Variants in RMST observed in about 807,000 individuals in gnomAD.
The protein encoded by RMST is rhabdomyosarcoma 2 associated transcript, also known as long intergenic non-protein coding RNA 54.
intron 5 of RMST, among the ~76,000 whole-genome samples, chr12:97,469,454 T>C (rs1873631687): frequency 6.6e-6 from 1 of 152,056 alleles, no homozygotes; most frequent in Non-Finnish European, 1.5e-5. Context: ...CTAATTCTAA[T>C]TATGAATGGC....
At chr12:97,501,733 G>T (rs1288263122) in intron 10 of RMST, among the ~76,000 whole-genome samples, 1 of 152,130 alleles carries the variant, frequency 6.6e-6, no homozygotes, top group Non-Finnish European at 1.5e-5. Flanking sequence ...AAAATGGCTG[G>T]TTAGTGTCAT....
At chr12:97,533,216 T>C (rs1881813153) in intron 11 of RMST, 1 of 151,782 alleles carries the variant, frequency 6.6e-6, no homozygotes, top group Non-Finnish European at 1.5e-5. Flanking sequence ...CCAATCTCTG[T>C]ACACTGAAAA....
chr12:97,557,858 C>T, intron 11 of RMST, among the ~76,000 whole-genome samples: 1 of 152,052 alleles, frequency 6.6e-6, no homozygotes, highest in African/African-American at 2.4e-5. Flanking sequence ...CTACTACTTA[C>T]CGGATGTATC....
intron 10 of RMST, among the ~76,000 whole-genome samples, chr12:97,525,575 T>A (rs1418424399): frequency 6.6e-6 from 1 of 152,188 alleles, no homozygotes; most frequent in East Asian, 1.9e-4. Flanking sequence ...TCCTCTTCTG[T>A]CCCCAGACCC....
chr12:97,537,359 A>G (rs1288363000), intron 11 of RMST, among the ~76,000 whole-genome samples: 1 of 151,364 alleles, frequency 6.6e-6, no homozygotes, highest in Non-Finnish European at 1.5e-5. Flanking sequence ...ATATGATCCA[A>G]TTTCTGAAAA....
In RMST at chr12:97,469,070, G is replaced by GAT. The variant is rs535471445; in HGVS notation, n.644+3352_644+3353dup. On this transcript the variant is annotated intron_variant and non_coding_transcript_variant, in intron 5 of 13. Coordinates refer to ENST00000640149, the Ensembl canonical transcript of RMST. ...CTTTTCTACTCTTTAAATGGCTTAA[G>GAT]ATATATATATTCTAGGCATATATAC... Among the ~76,000 whole-genome samples the GAT allele has an allele frequency of 4.9e-3, 739 of 150,972 alleles. 8 individuals are homozygous for GAT. Among genetic ancestry groups the GAT allele is most frequent in the African/African-American group, 0.017 (709 of 41,090 alleles).
chr12:97,530,929 C>CT (rs1293352969), intron 11 of RMST: 4 of 149,104 alleles, frequency 2.7e-5, no homozygotes, highest in East Asian at 2.0e-4. Context: ...TTCATGGGTT[C>CT]TTTTTTTGTT....
chr12:97,546,200 G>A (rs891715454), intron 11 of RMST, among the ~76,000 whole-genome samples: 1 of 152,002 alleles, frequency 6.6e-6, no homozygotes, highest in Non-Finnish European at 1.5e-5. Context: ...CTATTTTTGA[G>A]GACTTTTAAT....
chr12:97,492,301 C>A (rs1284969077), intron 5 of RMST, among the ~76,000 whole-genome samples: 1 of 152,192 alleles, frequency 6.6e-6, no homozygotes, highest in Non-Finnish European at 1.5e-5. Context: ...TAACATGGTC[C>A]TGTCACTTTT....
intron 11 of RMST, among the ~76,000 whole-genome samples, chr12:97,555,880 C>A (rs1052366340): frequency 6.6e-6 from 1 of 152,134 alleles, no homozygotes; most frequent in Admixed American, 6.5e-5. Flanking sequence ...TCAATTTTAC[C>A]GGCTGGCTTC....
chr12:97,484,281 T>A (rs1875815168), intron 5 of RMST, among the ~76,000 whole-genome samples: 1 of 152,184 alleles, frequency 6.6e-6, no homozygotes, highest in Admixed American at 6.6e-5. Flanking sequence ...TATGCAGATT[T>A]ATTTATTTCA....
chr12:97,523,988 A>G (rs1198728851), intron 10 of RMST, among the ~76,000 whole-genome samples: 1 of 145,374 alleles, frequency 6.9e-6, no homozygotes, highest in Non-Finnish European at 1.5e-5. Flanking sequence ...AAGCGGGAGA[A>G]TGGCGTGACC....
Position 97,480,215 on chromosome 12 carries a change from G to C in RMST, n.645-12246G>C, listed in dbSNP as rs1007413015. 2.0e-5 allele frequency among the ~76,000 whole-genome samples: 3 copies of C among 150,826 alleles called. No individual in the cohort carries two copies. The South Asian group carries it at 6.3e-4, about 31-fold the overall frequency. On this transcript the variant is annotated intron_variant and non_coding_transcript_variant, in intron 5 of 13. Transcript: ENST00000640149. ...TGCCATTCTCTTGCCTCAGCCTCCC[G>C]AGTAGCTGGGACTACAGGCGCCCAC... is the stretch of plus-strand genomic sequence containing the variant.
chr12:97,532,050 A>G (rs1470102084), intron 11 of RMST, among the ~76,000 whole-genome samples: 1 of 151,980 alleles, frequency 6.6e-6, no homozygotes, highest in East Asian at 1.9e-4. Flanking sequence ...CAGTGTCCAG[A>G]TAATTTTAGA....
At chr12:97,513,651 C>G (rs1462107324) in intron 10 of RMST, among the ~76,000 whole-genome samples, 1 of 152,160 alleles carries the variant, frequency 6.6e-6, no homozygotes, top group Non-Finnish European at 1.5e-5. Context: ...CAGTTTCCAA[C>G]TACAGTAAAT....
At chr12:97,499,245 AT>A (rs199561410) in intron 10 of RMST, among the ~76,000 whole-genome samples, 24 of 151,082 alleles carry the variant, frequency 1.6e-4, no homozygotes, top group African/African-American at 4.6e-4. Flanking sequence ...ATATACATCA[AT>A]TTTTTTTTCT....
At chr12:97,470,377 A>G (rs560184098) in intron 5 of RMST, among the ~76,000 whole-genome samples, 1 of 152,150 alleles carries the variant, frequency 6.6e-6, no homozygotes, top group African/African-American at 2.4e-5. Flanking sequence ...TCCACTGCCT[A>G]GCACGGTGCC....
intron 5 of RMST, among the ~76,000 whole-genome samples, chr12:97,476,045 C>T (rs527355206): frequency 6.6e-6 from 1 of 152,174 alleles, no homozygotes; most frequent in South Asian, 2.1e-4. Context: ...TGATGGTGCT[C>T]TCATCTTGAT....
At chr12:97,476,426 T>C (rs1404223013) in intron 5 of RMST, among the ~76,000 whole-genome samples, 1 of 152,180 alleles carries the variant, frequency 6.6e-6, no homozygotes. Flanking sequence ...ACAGTCCCTC[T>C]GGTTAAGAAT....
Sources: allele counts gnomAD v4.1 joint callset (sites outside exome capture counted in the v4.1 genomes callset), GRCh38; gene constraint gnomAD v4.1.1; transcripts MANE v1.5; gene names NCBI Gene and HGNC (gene_info 2026-07-23, HGNC 2026-07-21).